The following KCNIP4 variants were observed in gnomAD, a reference collection of about 807,000 sequenced individuals.
The protein encoded by KCNIP4 is potassium voltage-gated channel interacting protein 4, also known as Kv channel-interacting protein 4.
KCNIP4 carries 12 observed loss-of-function variants against 34.0 expected under a neutral mutation model. The ratio of observed to expected loss-of-function variants is 0.35; its 90% confidence interval spans 0.23 to 0.57. KCNIP4 has a LOEUF of 0.57. Among genes scored for constraint, KCNIP4 ranks in the 20% least tolerant of loss-of-function variants. The pLI is 0.83. For missense variants in KCNIP4, 238 were observed against 311.7 expected, an observed-to-expected ratio of 0.76 and a Z score of 1.78; for synonymous variants, 124 against 102.2, an observed-to-expected ratio of 1.21 and a Z score of -1.29.
intron 1 of KCNIP4, among the ~76,000 whole-genome samples, chr4:20,884,439 C>T (rs1249475666): frequency 6.6e-6 from 1 of 151,878 alleles, no homozygotes; most frequent in Admixed American, 6.6e-5. Context: ...TGATGTTCCC[C>T]TTCTTTTAAA....
intron 8 of KCNIP4, 22 bp from the exon 9 acceptor site, chr4:20,730,151 C>G: frequency 6.3e-7 from 1 of 1,590,914 alleles, no homozygotes; most frequent in Non-Finnish European, 8.5e-7. Flanking sequence ...AAACACAGAG[C>G]GATTAAATTC....
At chr4:21,031,028 C>T (rs892384657) in intron 1 of KCNIP4, among the ~76,000 whole-genome samples, 11 of 152,162 alleles carry the variant, frequency 7.2e-5, no homozygotes. Flanking sequence ...AGAAGCAACC[C>T]TCATCCAACA....
At chr4:21,532,573 G>T (rs1188284459) in intron 1 of KCNIP4, among the ~76,000 whole-genome samples, 1 of 152,044 alleles carries the variant, frequency 6.6e-6, no homozygotes, top group Non-Finnish European at 1.5e-5. Context: ...GCAGCATTCT[G>T]GTCTCACAAG....
At chr4:21,013,691 T>G (rs982709029) in intron 1 of KCNIP4, among the ~76,000 whole-genome samples, 1 of 152,186 alleles carries the variant, frequency 6.6e-6, no homozygotes, top group African/African-American at 2.4e-5. Context: ...AGAGGAACAC[T>G]GAATAAACTG....
At chr4:21,064,351 T>C (rs938428069) in intron 1 of KCNIP4, among the ~76,000 whole-genome samples, 3 of 152,070 alleles carry the variant, frequency 2.0e-5, no homozygotes, top group African/African-American at 7.2e-5. Context: ...TGCTTTATGA[T>C]TATTGCTCAA....
chr4:20,761,062 AG>A (rs1337684080), intron 3 of KCNIP4, among the ~76,000 whole-genome samples: 1 of 152,156 alleles, frequency 6.6e-6, no homozygotes, highest in Admixed American at 6.6e-5. Context: ...CCACAATGTG[AG>A]GGGGCCTCAT....
chr4:21,137,262 A>G (rs4697208), intron 1 of KCNIP4, among the ~76,000 whole-genome samples: 80,226 of 151,920 alleles, frequency 0.53, 21,787 homozygotes, highest in African/African-American at 0.64. Context: ...AAATGACAGA[A>G]GAAGCAACCC....
chr4:20,757,434 C>CT (rs1246413924), intron 4 of KCNIP4, among the ~76,000 whole-genome samples: 2 of 152,248 alleles, frequency 1.3e-5, no homozygotes, highest in East Asian at 3.9e-4. Context: ...CCCACTTAAA[C>CT]TTATCAGTGG....
At position 21,388,474 on chromosome 4, in the gene KCNIP4, TC is replaced by T. The variant is rs1347482937; in HGVS notation, c.62-505766del. On this transcript the variant is annotated intron_variant, in intron 1 of 8. Transcript: ENST00000382152. ...TACTCAATATACCCATAGATTATTA[TC>T]TTTTTATCTTTTTATAACAGTTTTA... 4.6e-5 allele frequency among the ~76,000 whole-genome samples: 7 copies of T among 152,070 alleles called. No homozygotes were observed. The East Asian group carries it at 1.2e-3, about 25-fold the overall frequency.
At chr4:21,299,991 T>C (rs1188146106) in intron 1 of KCNIP4, among the ~76,000 whole-genome samples, 1 of 152,152 alleles carries the variant, frequency 6.6e-6, no homozygotes, top group African/African-American at 2.4e-5. Context: ...AGATTACCAG[T>C]TGATTTCTTT....
intron 1 of KCNIP4, among the ~76,000 whole-genome samples, chr4:21,871,064 C>T (rs1056885872): frequency 1.3e-5 from 2 of 151,242 alleles, no homozygotes; most frequent in Non-Finnish European, 2.9e-5. Flanking sequence ...TCCTCTGAGT[C>T]CAATTAAGCC....
intron 1 of KCNIP4, among the ~76,000 whole-genome samples, chr4:21,526,310 C>A (rs1735970818): frequency 6.6e-6 from 1 of 152,054 alleles, no homozygotes; most frequent in East Asian, 1.9e-4. Context: ...TGCACATGCT[C>A]CCTCTTGCCT....
chr4:21,675,453 AT>A (rs1749817381), intron 1 of KCNIP4, among the ~76,000 whole-genome samples: 2 of 152,182 alleles, frequency 1.3e-5, no homozygotes, highest in Non-Finnish European at 2.9e-5. Context: ...ATGTAGCTGG[AT>A]TGTTTGTAAC....
chr4:21,940,507 T>C (rs748850807), intron 1 of KCNIP4, among the ~76,000 whole-genome samples: 14 of 152,204 alleles, frequency 9.2e-5, no homozygotes, highest in Non-Finnish European at 1.9e-4. Context: ...CTCATGCATA[T>C]TCAGTTACTA....
At chr4:21,454,215 C>T (rs576335201) in intron 1 of KCNIP4, among the ~76,000 whole-genome samples, 1 of 152,074 alleles carries the variant, frequency 6.6e-6, no homozygotes, top group Admixed American at 6.6e-5. Context: ...TTCTCACAAT[C>T]TCCCAACAGT....
At chr4:21,549,059 C>A (rs73252249) in intron 1 of KCNIP4, among the ~76,000 whole-genome samples, 1 of 151,630 alleles carries the variant, frequency 6.6e-6, no homozygotes, top group Non-Finnish European at 1.5e-5. Flanking sequence ...AAATGGAGAC[C>A]AGGCCAAATG....
chr4:21,445,163 C>T (rs897823736), intron 1 of KCNIP4, among the ~76,000 whole-genome samples: 10 of 152,080 alleles, frequency 6.6e-5, no homozygotes, highest in Non-Finnish European at 8.8e-5. Context: ...TGCTCATGGG[C>T]AGGAAGAATC....
intron 1 of KCNIP4, among the ~76,000 whole-genome samples, chr4:21,209,288 T>C (rs1048669767): frequency 8.5e-5 from 13 of 152,166 alleles, no homozygotes; most frequent in African/African-American, 2.9e-4. Flanking sequence ...TTCTAACTAT[T>C]TGAAACTAAT....
intron 1 of KCNIP4, among the ~76,000 whole-genome samples, chr4:21,203,275 C>G (rs1440123494): frequency 6.6e-6 from 1 of 152,104 alleles, no homozygotes; most frequent in Admixed American, 6.6e-5. Context: ...GGAAGAGACT[C>G]AGAGTGAACC....
Sources: gnomAD v4.1 joint callset for allele counts (sites outside exome capture counted in the v4.1 genomes callset) on GRCh38, gnomAD v4.1.1 for gene constraint, MANE v1.5 for transcripts, NCBI Gene and HGNC (gene_info 2026-07-23, HGNC 2026-07-21) for gene names.